Variants in RIN3 observed in about 807,000 individuals in gnomAD.
RIN3 encodes Ras and Rab interactor 3, also known as RAB5 interacting protein 3.
RIN3 carries 54 observed loss-of-function variants against 76.3 expected under a neutral mutation model. That is an observed-to-expected ratio of 0.71 (90% CI 0.57 to 0.89). The LOEUF (loss-of-function observed/expected upper bound fraction) is 0.89. RIN3 is among the 40% of genes least tolerant of loss of function. RIN3 has a pLI of 0.00. For synonymous variants in RIN3, 576 were observed against 564.0 expected (o/e 1.02, Z -0.30); for missense variants, 1,256 against 1,322.1 (o/e 0.95, Z 0.78).
At chr14:92,620,143 A>G (rs998999110) in intron 4 of RIN3, among the ~76,000 whole-genome samples, 2 of 152,268 alleles carry the variant, frequency 1.3e-5, no homozygotes, top group Non-Finnish European at 2.9e-5. Context: ...GGAGACAAAC[A>G]GTGACTTTTC....
intron 3 of RIN3, among the ~76,000 whole-genome samples, chr14:92,602,794 G>A (rs534530513): frequency 5.9e-5 from 9 of 152,258 alleles, no homozygotes; most frequent in African/African-American, 2.2e-4. Flanking sequence ...ATGTAACTCT[G>A]GAAAGCACTC....
Position 92,651,804 on chromosome 14 carries a change from C to T in RIN3, c.755C>T (p.Pro252Leu). The stretch of plus-strand genomic sequence containing the variant: ...AGCAGCGCCCTGCCCACCGACCAGC[C>T]ACCTCTTGGAAATTGCCCTGCACGC... ...DCSSALPTDQ[P>L]PLGNCPARPL... The change falls in exon 6 of 10, where the codon CCA (proline) becomes CTA (leucine). Residue 252 changes from proline (P) to leucine (L), a missense_variant. Physicochemically the swap from Pro to Leu is moderately conservative, Grantham distance 98. Around this residue, in one of 3 missense-constraint regions of RIN3, gnomAD observed 610 missense variants for 626.4 expected, o/e 0.97. Coordinates refer to ENST00000216487, the MANE Select transcript of RIN3 (RefSeq NM_024832.5). The T allele has an allele frequency of 1.2e-6, 2 of 1,613,524 alleles. No homozygotes were observed. Among genetic ancestry groups the T allele is most frequent in the Non-Finnish European group, 1.7e-6 (2 of 1,179,564 alleles).
At chr14:92,682,300 T>C (rs1888696430) in intron 8 of RIN3, among the ~76,000 whole-genome samples, 1 of 152,064 alleles carries the variant, frequency 6.6e-6, no homozygotes, top group East Asian at 1.9e-4. Context: ...TTGTCCCATA[T>C]TGGTTGTAGA....
At chr14:92,646,040 G>T (rs1467967609) in intron 5 of RIN3, among the ~76,000 whole-genome samples, 2 of 152,022 alleles carry the variant, frequency 1.3e-5, no homozygotes, top group Non-Finnish European at 2.9e-5. Context: ...TTTTTTAAAT[G>T]AGTGAACTCT....
At chr14:92,534,720 AG>A (rs1273674432) in intron 1 of RIN3, among the ~76,000 whole-genome samples, 5 of 152,082 alleles carry the variant, frequency 3.3e-5, no homozygotes, top group Non-Finnish European at 7.4e-5. Context: ...GCAGCCAGGC[AG>A]GGGGTCTCTG....
At chr14:92,539,536 T>C (rs557501903) in intron 1 of RIN3, among the ~76,000 whole-genome samples, 1 of 152,140 alleles carries the variant, frequency 6.6e-6, no homozygotes, top group Non-Finnish European at 1.5e-5. Context: ...GCTGCATAGC[T>C]CTGGTTGATG....
At position 92,555,744 on chromosome 14, in the gene RIN3, T is replaced by C. The variant is rs1897556732; in HGVS notation, c.45-7T>C. On this transcript the variant is annotated splice_region_variant and splice_polypyrimidine_tract_variant and intron_variant, in intron 1 of 9. Coordinates refer to ENST00000216487, the MANE Select transcript of RIN3 (RefSeq NM_024832.5). Reference sequence around the variant, plus strand: ...AGGATAGCTGATCATTGAATTCTGTTTTTCAGTCCGGTTCCAGTTGTTGGC... The same window carrying C: ...AGGATAGCTGATCATTGAATTCTGTCTTTCAGTCCGGTTCCAGTTGTTGGC... 6.2e-7 allele frequency: 1 copy of C among 1,614,038 alleles called. No individual in the cohort carries two copies. Among genetic ancestry groups the C allele is most frequent in the African/African-American group, 1.3e-5 (1 of 75,010 alleles).
chr14:92,675,429 TATTA>T (rs1474178520), intron 7 of RIN3, among the ~76,000 whole-genome samples: 1 of 152,208 alleles, frequency 6.6e-6, no homozygotes, highest in Non-Finnish European at 1.5e-5. Flanking sequence ...TTGGATGGAT[TATTA>T]ATCTCACCCA....
intron 7 of RIN3, among the ~76,000 whole-genome samples, chr14:92,672,657 T>TGC (rs1595501990): frequency 7.5e-6 from 1 of 133,526 alleles, no homozygotes; most frequent in East Asian, 2.3e-4. Flanking sequence ...TATATGTGTG[T>TGC]GCATGTGTGT....
At chr14:92,543,737 C>T (rs929361705) in intron 1 of RIN3, among the ~76,000 whole-genome samples, 9 of 151,502 alleles carry the variant, frequency 5.9e-5, no homozygotes, top group Non-Finnish European at 1.2e-4. Flanking sequence ...TGCCCGCCAC[C>T]ACACCCGGCT....
At chr14:92,517,318 CAG>C (rs1465014795) in intron 1 of RIN3, among the ~76,000 whole-genome samples, 10 of 152,218 alleles carry the variant, frequency 6.6e-5, no homozygotes, top group Admixed American at 3.9e-4. Context: ...TATCAGATAA[CAG>C]GGGTTGAGGA....
At chr14:92,653,162 C>A in intron 6 of RIN3, 87 bp downstream of exon 6, 1 of 1,377,612 alleles carries the variant, frequency 7.3e-7, no homozygotes, top group Non-Finnish European at 9.6e-7. Flanking sequence ...GAGGCCTATG[C>A]AGTGGACGCT....
At chr14:92,529,502 C>A (rs1293262918) in intron 1 of RIN3, among the ~76,000 whole-genome samples, 1 of 152,178 alleles carries the variant, frequency 6.6e-6, no homozygotes, top group African/African-American at 2.4e-5. Context: ...CCCACCTCGG[C>A]CTCCCAAAGT....
chr14:92,645,339 C>G (rs922310355), intron 5 of RIN3: 6 of 152,288 alleles, frequency 3.9e-5, no homozygotes, highest in Admixed American at 3.9e-4. Flanking sequence ...CCCACACATA[C>G]ATTATCTCAT....
At chr14:92,596,985 GT>G (rs924515578) in intron 3 of RIN3, among the ~76,000 whole-genome samples, 1 of 151,972 alleles carries the variant, frequency 6.6e-6, no homozygotes, top group Non-Finnish European at 1.5e-5. Context: ...GGGTTTGTTT[GT>G]TTTTTTTCCC....
intron 2 of RIN3, among the ~76,000 whole-genome samples, chr14:92,563,522 A>G (rs1040441277): frequency 6.6e-6 from 1 of 152,110 alleles, no homozygotes; most frequent in Admixed American, 6.5e-5. Context: ...TCTCTATTCT[A>G]TAAGGGAGGA....
intron 2 of RIN3, among the ~76,000 whole-genome samples, chr14:92,572,861 G>T (rs181010745): frequency 2.4e-3 from 358 of 147,792 alleles, no homozygotes; most frequent in African/African-American, 8.4e-3. Flanking sequence ...CTGTAGAAGG[G>T]TGACTCTTTT....
intron 1 of RIN3, among the ~76,000 whole-genome samples, chr14:92,531,888 A>T (rs1238718451): frequency 6.8e-6 from 1 of 146,356 alleles, no homozygotes; most frequent in Non-Finnish European, 1.5e-5. Flanking sequence ...CCCTCCCCCC[A>T]GTAAGCCCAT....
chr14:92,588,327 A>G (rs1884855118), intron 3 of RIN3, among the ~76,000 whole-genome samples: 1 of 145,510 alleles, frequency 6.9e-6, no homozygotes, highest in African/African-American at 2.6e-5. Flanking sequence ...TCCTGGGTTC[A>G]AGCAATTCTC....
Sources: allele counts gnomAD v4.1 joint callset (sites outside exome capture counted in the v4.1 genomes callset), GRCh38; gene constraint gnomAD v4.1.1; regional missense constraint gnomAD v4.1.1; transcripts MANE v1.5; gene names NCBI Gene and HGNC (gene_info 2026-07-23, HGNC 2026-07-21).